AGBL1: variants seen among roughly 807,000 people sequenced by gnomAD.
AGBL1 encodes the protein cytosolic carboxypeptidase 4.
In AGBL1, 130 loss-of-function variants were observed where a neutral mutation model predicts 118.9. That is an observed-to-expected ratio of 1.09 (90% CI 0.95 to 1.26). The LOEUF is 1.26. Ranked by LOEUF, AGBL1 falls within the 50% of genes most tolerant of loss-of-function variation. AGBL1 has a pLI of 0.00. For synonymous variants in AGBL1, 555 were observed against 478.9 expected, an observed-to-expected ratio of 1.16 and a Z score of -2.08; for missense variants, 1,584 against 1,298.1, an observed-to-expected ratio of 1.22 and a Z score of -3.38.
intron 5 of AGBL1, among the ~76,000 whole-genome samples, chr15:86,217,196 T>C (rs556681847): frequency 1.3e-5 from 2 of 152,346 alleles, no homozygotes; most frequent in South Asian, 4.1e-4. Flanking sequence ...GCTATTTCTT[T>C]CACTTTAATT....
chr15:86,640,103 C>A (rs2085166760), intron 21 of AGBL1, among the ~76,000 whole-genome samples: 1 of 152,084 alleles, frequency 6.6e-6, no homozygotes, highest in East Asian at 1.9e-4. Context: ...TTACTATCAG[C>A]ACCATCATCA....
chr15:86,092,950 G>T (rs1254733493), intron 1 of AGBL1, among the ~76,000 whole-genome samples: 1 of 152,156 alleles, frequency 6.6e-6, no homozygotes, highest in African/African-American at 2.4e-5. Context: ...TTGCATTGGG[G>T]ATTAGGTTTC....
chr15:86,886,291 G>C (rs1047957752), intron 22 of AGBL1, among the ~76,000 whole-genome samples: 1 of 152,204 alleles, frequency 6.6e-6, no homozygotes, highest in Non-Finnish European at 1.5e-5. Context: ...CAATTAACTT[G>C]AAGTTATAGC....
At chr15:86,622,078 C>T (rs921102011) in intron 21 of AGBL1, among the ~76,000 whole-genome samples, 13 of 151,978 alleles carry the variant, frequency 8.6e-5, no homozygotes, top group Admixed American at 3.9e-4. Flanking sequence ...CTGTAATACT[C>T]GCAATTTGGG....
intron 22 of AGBL1, among the ~76,000 whole-genome samples, chr15:86,836,569 A>G (rs929012470): frequency 4.6e-5 from 7 of 152,132 alleles, no homozygotes; most frequent in Admixed American, 1.3e-4. Context: ...TAAGGAGTCT[A>G]GTTATATTAT....
chr15:86,472,658 C>A (rs917793888), intron 18 of AGBL1, among the ~76,000 whole-genome samples: 2 of 152,186 alleles, frequency 1.3e-5, no homozygotes, highest in African/African-American at 2.4e-5. Context: ...ACGGCTCACG[C>A]CTGTAATCCC....
At chr15:86,201,196 A>G (rs2077901862) in intron 5 of AGBL1, among the ~76,000 whole-genome samples, 2 of 152,216 alleles carry the variant, frequency 1.3e-5, no homozygotes, top group Admixed American at 1.3e-4. Flanking sequence ...CAGTGTTTTA[A>G]AACGACTGTG....
intron 22 of AGBL1, among the ~76,000 whole-genome samples, chr15:86,831,577 A>T (rs577856288): frequency 6.6e-6 from 1 of 152,324 alleles, no homozygotes; most frequent in African/African-American, 2.4e-5. Flanking sequence ...TTCTCCTTTG[A>T]CCCCATGTCT....
chr15:87,020,838 G>T (rs1414561371), intron 24 of AGBL1, among the ~76,000 whole-genome samples: 1 of 152,082 alleles, frequency 6.6e-6, no homozygotes, highest in African/African-American at 2.4e-5. Flanking sequence ...ACTGCTTGAA[G>T]AAATCAGAGA....
intron 5 of AGBL1, among the ~76,000 whole-genome samples, chr15:86,196,930 A>G (rs1177504208): frequency 7.2e-6 from 1 of 139,124 alleles, no homozygotes; most frequent in Non-Finnish European, 1.6e-5. Flanking sequence ...CACACACGAA[A>G]GGCCATATGA....
At chr15:86,460,144 C>T (rs1049722563) in intron 18 of AGBL1, among the ~76,000 whole-genome samples, 4 of 151,588 alleles carry the variant, frequency 2.6e-5, no homozygotes, top group African/African-American at 2.4e-5. Context: ...GTGTCACTTG[C>T]AGCTACTTAG....
At chr15:86,889,718 A>T (rs1348124028) in intron 22 of AGBL1, among the ~76,000 whole-genome samples, 9 of 152,216 alleles carry the variant, frequency 5.9e-5, no homozygotes, top group Non-Finnish European at 1.3e-4. Flanking sequence ...CCTGCAAAGG[A>T]CATGATCTCA....
chr15:86,975,977 T>C (rs1253024782), intron 23 of AGBL1, among the ~76,000 whole-genome samples: 1 of 152,138 alleles, frequency 6.6e-6, no homozygotes, highest in African/African-American at 2.4e-5. Context: ...AGCTGCTCAG[T>C]AATGATAGCT....
intron 18 of AGBL1, among the ~76,000 whole-genome samples, chr15:86,411,726 T>G (rs1044114091): frequency 6.6e-6 from 1 of 152,184 alleles, no homozygotes; most frequent in African/African-American, 2.4e-5. Flanking sequence ...ATAAGAGACA[T>G]AACTCTTTTT....
At chr15:86,275,351 T>G (rs1315715398) in intron 15 of AGBL1, among the ~76,000 whole-genome samples, 1 of 152,228 alleles carries the variant, frequency 6.6e-6, no homozygotes, top group Non-Finnish European at 1.5e-5. Flanking sequence ...GAGAGAGATC[T>G]GGTATTATAT....
chr15:86,536,728 A>C (rs1453877863), intron 19 of AGBL1, among the ~76,000 whole-genome samples: 1 of 152,182 alleles, frequency 6.6e-6, no homozygotes, highest in African/African-American at 2.4e-5. Context: ...GGGGAGGGGA[A>C]AATAGGAGGG....
rs536366726 is a variant in AGBL1 at position 86,873,864 on chromosome 15, CTA to C, written c.3159-33220_3159-33219del. ...TTTTTTGCCTTCAGCATAATAGAAA[CTA>C]TAGAATGGAACTCAAGATACAATAG... is the stretch of plus-strand genomic sequence containing the variant. On this transcript the variant is annotated intron_variant, in intron 22 of 22. Transcript: ENST00000614907. Among the ~76,000 whole-genome samples, 517 of 152,210 alleles carry C rather than the reference CTA, an allele frequency of 3.4e-3. 5 individuals are homozygous for C. Among genetic ancestry groups the C allele is most frequent in the African/African-American group, 0.012 (487 of 41,532 alleles).
At chr15:86,359,993 T>A (rs2080779304) in intron 17 of AGBL1, among the ~76,000 whole-genome samples, 1 of 152,042 alleles carries the variant, frequency 6.6e-6, no homozygotes, top group Non-Finnish European at 1.5e-5. Context: ...GACATAATTT[T>A]ACTTTTTCCT....
chr15:86,945,998 C>T lies in AGBL1; in HGVS notation c.3222-41989C>T, dbSNP rs141980155. ...AACAGAAGACAGGTATTATAATTCT[C>T]ATTTTACAGTTCCAGAATCAGAATT... On this transcript the variant is annotated intron_variant, in intron 23 of 24. Transcript: ENST00000441037. Among the ~76,000 whole-genome samples the T allele has an allele frequency of 3.4e-4, 52 of 152,308 alleles. 1 individual carries two copies. In the East Asian group the frequency reaches 9.8e-3, roughly 29 times the overall value.
Sources: gnomAD v4.1 joint callset for allele counts (sites outside exome capture counted in the v4.1 genomes callset) on GRCh38, gnomAD v4.1.1 for gene constraint, MANE v1.5 for transcripts, NCBI Gene and HGNC (gene_info 2026-07-23, HGNC 2026-07-21) for gene names.